The following ZNF423 variants were observed in gnomAD, a reference collection of about 807,000 sequenced individuals.
ZNF423 encodes the protein Ebf-associated zinc finger protein.
A neutral mutation model predicts 95.8 loss-of-function variants in ZNF423; 12 were observed. The observed-to-expected ratio is 0.13, with a 90% CI of 0.08 to 0.20. The LOEUF (loss-of-function observed/expected upper bound fraction) is 0.20, where lower values mean the gene tolerates loss of function less well. Among genes scored for constraint, ZNF423 ranks in the 10% least tolerant of loss-of-function variants. The pLI is 1.00. For missense variants in ZNF423, 1,316 were observed against 1,737.1 expected (o/e 0.76, Z 4.31); for synonymous variants, 749 against 711.9 (o/e 1.05, Z -0.83).
intron 5 of ZNF423, among the ~76,000 whole-genome samples, chr16:49,557,439 CACCAGGG>C (rs1333153050): frequency 3.9e-5 from 6 of 152,170 alleles, no homozygotes; most frequent in Admixed American, 1.3e-4. Context: ...CTCCCGGGGC[CACCAGGG>C]CTAGGGGAAT....
intron 5 of ZNF423, among the ~76,000 whole-genome samples, 161 bp downstream of exon 5, chr16:49,626,009 G>C (rs1054263699): frequency 2.6e-5 from 4 of 152,206 alleles, no homozygotes; most frequent in Admixed American, 6.5e-5. Context: ...GATGGAGAAA[G>C]GGCCCCCATT....
At chr16:49,585,424 G>A (rs183097425) in intron 5 of ZNF423, among the ~76,000 whole-genome samples, 53 of 152,210 alleles carry the variant, frequency 3.5e-4, no homozygotes, top group Admixed American at 1.2e-3. Context: ...ACCCATAGCC[G>A]CTGTACAGCC....
At chr16:49,548,347 G>A (rs1020505679) in intron 5 of ZNF423, among the ~76,000 whole-genome samples, 9 of 152,094 alleles carry the variant, frequency 5.9e-5, no homozygotes, top group African/African-American at 2.2e-4. Flanking sequence ...CAGAGGAAAC[G>A]TTTGCTGCAA....
intron 1 of ZNF423, among the ~76,000 whole-genome samples, chr16:49,837,735 T>C (rs1281040781): frequency 2.0e-5 from 3 of 152,160 alleles, no homozygotes; most frequent in African/African-American, 4.8e-5. Flanking sequence ...CCTCTTCTTC[T>C]CCCTCCTTCC....
intron 3 of ZNF423, among the ~76,000 whole-genome samples, chr16:49,650,891 C>A (rs909144731): frequency 1.3e-5 from 2 of 152,170 alleles, no homozygotes; most frequent in African/African-American, 2.4e-5. Flanking sequence ...GGCTGTCCTC[C>A]CACTGGACAG....
Position 49,539,659 on chromosome 16 carries a change from T to C in ZNF423, c.3602-14165A>G, listed in dbSNP as rs142736596. 7.8e-4 allele frequency among the ~76,000 whole-genome samples: 119 copies of C among 152,302 alleles called. 1 individual carries two copies. The highest frequency in any genetic ancestry group is 2.4e-3 in the African/African-American group (99 of 41,566). On this transcript the variant is annotated intron_variant, in intron 5 of 7. Coordinates refer to ENST00000563137, the MANE Select transcript of ZNF423 (RefSeq NM_001379286.1). ...TTATTATTGACCCTGAGGCAGGCAC[T>C]GTGCAAGGTGGTGGGTGTGGGGGGT...
intron 3 of ZNF423, among the ~76,000 whole-genome samples, chr16:49,646,563 C>A (rs372686739): frequency 7.9e-6 from 1 of 126,956 alleles, no homozygotes; most frequent in Non-Finnish European, 1.8e-5. Context: ...GGCACATTTT[C>A]TTTTCTTTTT....
rs185026947 is a variant in ZNF423 at position 49,611,332 on chromosome 16, G to A, written c.3601+14838C>T. On this transcript the variant is annotated intron_variant, in intron 5 of 7. Coordinates refer to ENST00000563137, the MANE Select transcript of ZNF423 (RefSeq NM_001379286.1). The stretch of plus-strand genomic sequence containing the variant: ...TTCCTATCACAATGGAACCAAACTA[G>A]AAATTAATAGCAGAAAGGCAGGAAA... Among the ~76,000 whole-genome samples, 3 of 152,048 alleles carry A rather than the reference G, an allele frequency of 2.0e-5. No individual in the cohort carries two copies. The East Asian group carries it at 5.8e-4, about 29-fold the overall frequency.
At chr16:49,850,813 T>C (rs558378753) in intron 1 of ZNF423, among the ~76,000 whole-genome samples, 11 of 152,320 alleles carry the variant, frequency 7.2e-5, no homozygotes, top group Non-Finnish European at 1.3e-4. Context: ...GAGAGCCTCA[T>C]GTTTCAAAGA....
At chr16:49,512,084 A>G (rs1967920704) in intron 7 of ZNF423, among the ~76,000 whole-genome samples, 1 of 152,146 alleles carries the variant, frequency 6.6e-6, no homozygotes, top group Non-Finnish European at 1.5e-5. Flanking sequence ...TATTCCACAA[A>G]CACATAACAA....
intron 3 of ZNF423, among the ~76,000 whole-genome samples, chr16:49,642,801 C>CTTTTTT (rs55662710): frequency 1.8e-3 from 160 of 91,166 alleles, no homozygotes; most frequent in Non-Finnish European, 2.4e-3. Context: ...GTTCTCTTTT[C>CTTTTTT]TTTTTTTTTT....
chr16:49,853,299 G>A (rs1413353494), intron 1 of ZNF423, among the ~76,000 whole-genome samples: 1 of 144,614 alleles, frequency 6.9e-6, no homozygotes, highest in Non-Finnish European at 1.5e-5. Flanking sequence ...GAAGGGGCGG[G>A]GCGGGGGGGG....
intron 2 of ZNF423, among the ~76,000 whole-genome samples, chr16:49,757,851 G>A (rs1048991593): frequency 1.3e-5 from 2 of 152,152 alleles, no homozygotes; most frequent in African/African-American, 4.8e-5. Flanking sequence ...AAGAAAGAAT[G>A]ACGCACAGGA....
intron 1 of ZNF423, among the ~76,000 whole-genome samples, chr16:49,849,463 A>G (rs1025978765): frequency 1.3e-5 from 2 of 152,244 alleles, no homozygotes; most frequent in Non-Finnish European, 2.9e-5. Flanking sequence ...GAGATTATCA[A>G]CACTGCAATC....
At chr16:49,720,863 C>T (rs2032845106) in intron 3 of ZNF423, among the ~76,000 whole-genome samples, 2 of 152,338 alleles carry the variant, frequency 1.3e-5, no homozygotes, top group Admixed American at 1.3e-4. Flanking sequence ...CCTGATTCCC[C>T]GCACCCAACC....
chr16:49,789,651 T>C (rs112532156), intron 1 of ZNF423, 105 bp from the exon 2 acceptor site: 31 of 1,095,242 alleles, frequency 2.8e-5, no homozygotes, highest in African/African-American at 2.3e-4. Flanking sequence ...GTCCTTATTA[T>C]AATACCCATC....
At chr16:49,548,678 G>A (rs986516012) in intron 5 of ZNF423, among the ~76,000 whole-genome samples, 3 of 152,148 alleles carry the variant, frequency 2.0e-5, no homozygotes, top group Admixed American at 1.3e-4. Context: ...GGAGACAGCC[G>A]CCTTCGGGGA....
chr16:49,619,219 T>C (rs1203740287), intron 5 of ZNF423, among the ~76,000 whole-genome samples: 1 of 152,136 alleles, frequency 6.6e-6, no homozygotes, highest in East Asian at 1.9e-4. Flanking sequence ...TGACGTTACA[T>C]TGACCTTGCA....
At chr16:49,723,729 T>C (rs1372768611) in intron 3 of ZNF423, among the ~76,000 whole-genome samples, 1 of 152,236 alleles carries the variant, frequency 6.6e-6, no homozygotes, top group East Asian at 1.9e-4. Context: ...CCACTTGGGA[T>C]TGAGTTTGGT....
Sources: allele counts gnomAD v4.1 joint callset (sites outside exome capture counted in the v4.1 genomes callset), GRCh38; gene constraint gnomAD v4.1.1; transcripts MANE v1.5; gene names NCBI Gene and HGNC (gene_info 2026-07-23, HGNC 2026-07-21).